SPPL2B: variants seen among roughly 807,000 people sequenced by gnomAD.
SPPL2B encodes the protein signal peptide peptidase-like 2B.
Under a neutral mutation model 59.7 loss-of-function variants are expected in SPPL2B, and 39 were observed. The ratio of observed to expected loss-of-function variants is 0.65; its 90% confidence interval spans 0.51 to 0.85. SPPL2B has a LOEUF of 0.85. Among genes scored for constraint, SPPL2B ranks in the 40% least tolerant of loss-of-function variants. The pLI, the probability that SPPL2B is intolerant of heterozygous loss-of-function variation, is 0.00. For synonymous variants in SPPL2B, 419 were observed against 370.8 expected (o/e 1.13, Z -1.49); for missense variants, 865 against 849.0 (o/e 1.02, Z -0.23).
At position 2,343,191 on chromosome 19, in the gene SPPL2B, G is replaced by A; in HGVS notation, c.957-20G>A. On this transcript the variant is annotated intron_variant, in intron 8 of 14. Coordinates refer to ENST00000613503, the MANE Select transcript of SPPL2B (RefSeq NM_152988.3). ...GTCAGCCAGCCTCTGCCCCGGCGAG[G>A]ATGCTGCTTTGTCTTGCAGGTGGGC... is the stretch of plus-strand genomic sequence containing the variant. 6.5e-7 allele frequency: 1 copy of A among 1,550,046 alleles called. No homozygotes were observed. Among genetic ancestry groups the A allele is most frequent in the Non-Finnish European group, 8.7e-7 (1 of 1,146,138 alleles).
chr19:2,343,924 C>T lies in SPPL2B; in HGVS notation c.1039-41C>T, dbSNP rs754585150. On this transcript the variant is annotated intron_variant, in intron 9 of 14. Coordinates refer to ENST00000613503, the MANE Select transcript of SPPL2B (RefSeq NM_152988.3). ...TCATGAGATGGGAGTGGGGGAGGCA[C>T]GGGCCGGGGTGGGGGCCGCCCTCAG... 7.5e-5 allele frequency: 111 copies of T among 1,483,930 alleles called. 1 individual carries two copies. The highest frequency in any genetic ancestry group is 8.6e-5 in the Non-Finnish European group (94 of 1,090,702). The allele number at this position is 1,483,930 out of a possible 1,614,324, so 91.9% of individuals were successfully genotyped here.
Position 2,337,435 on chromosome 19 carries a change from C to T in SPPL2B, c.187-8C>T. 6.3e-7 allele frequency: 1 copy of T among 1,592,274 alleles called. No individual in the cohort carries two copies. The highest frequency in any genetic ancestry group is 8.6e-7 in the Non-Finnish European group (1 of 1,166,718). On this transcript the variant is annotated splice_polypyrimidine_tract_variant and splice_region_variant and intron_variant, in intron 2 of 14. Transcript: ENST00000613503. Reference sequence around the variant, plus strand: ...ACGTGAGACAACACTGTGCCCTGGCCTTTCCAGTCTTTCCTGCAGCTGCGC... The same window carrying T: ...ACGTGAGACAACACTGTGCCCTGGCTTTTCCAGTCTTTCCTGCAGCTGCGC...
Position 2,341,733 on chromosome 19 carries a change from T to C in SPPL2B, c.956+719T>C, listed in dbSNP as rs191145626. ...ATGTGAAAATATTTTGAATCCTTTG[T>C]ACACAAAGAGAAAATGAATCTTTTC... is the stretch of plus-strand genomic sequence containing the variant. On this transcript the variant is annotated intron_variant, in intron 8 of 14. Transcript: ENST00000613503. 700 of 400,328 alleles carry C rather than the reference T, an allele frequency of 1.7e-3. 6 individuals are homozygous for C. Among genetic ancestry groups the C allele is most frequent in the African/African-American group, 0.013 (627 of 48,458 alleles). 24.8% of individuals were successfully genotyped at this position (400,328 alleles called of 1,614,324 possible).
At chr19:2,348,908 GCT>G (rs1196415972) in intron 13 of SPPL2B, among the ~76,000 whole-genome samples, 1 of 134,480 alleles carries the variant, frequency 7.4e-6, no homozygotes, top group Non-Finnish European at 1.5e-5. Context: ...ACACTCACGC[GCT>G]CTCATTCGCT....
intron 8 of SPPL2B, chr19:2,341,616 C>G (rs1426076408): frequency 4.4e-6 from 2 of 456,068 alleles, no homozygotes; most frequent in African/African-American, 2.0e-5. Context: ...CTGATACCAT[C>G]TGGCACTTCC....
Position 2,337,505 on chromosome 19 carries a change from C to A in SPPL2B, c.249C>A (p.Ala83=), listed in dbSNP as rs771738475. The change falls in exon 3 of 15, where the codon GCC becomes GCA. Residue 83 remains alanine (A), a synonymous_variant. Coordinates refer to ENST00000613503, the MANE Select transcript of SPPL2B (RefSeq NM_152988.3). ...SLLCSAADLP[A]RGFSNQIPLV... Reference sequence around the variant, plus strand: ...TCTGCTCCGCAGCCGACCTCCCCGCCCGTGGCTTCAGCAACCAGATCCCGC... The same window carrying A: ...TCTGCTCCGCAGCCGACCTCCCCGCACGTGGCTTCAGCAACCAGATCCCGC... 2 of 1,613,386 alleles carry A rather than the reference C, an allele frequency of 1.2e-6. No homozygotes were observed. The highest frequency in any genetic ancestry group is 1.7e-6 in the Non-Finnish European group (2 of 1,179,706).
Position 2,328,694 on chromosome 19 carries a change from G to C in SPPL2B, c.-16G>C, listed in dbSNP as rs767059440. The C allele has an allele frequency of 1.4e-6, 2 of 1,433,928 alleles. No homozygotes were observed. The highest frequency in any genetic ancestry group is 3.0e-5 in the African/African-American group (2 of 66,508). The allele number at this position is 1,433,928 out of a possible 1,614,324, so 88.8% of individuals were successfully genotyped here. A position where few individuals can be genotyped will look rare whatever the true frequency, so the allele number is the denominator to read the frequency against. ...TGGGAAACATCTGCCGTTGGTTGCG[G>C]CGGGCACCGGCCGACATGGCGGCAG... On this transcript the variant is annotated 5_prime_UTR_variant, in exon 1 of 15. Transcript: ENST00000613503.
chr19:2,344,006 C>T lies in SPPL2B; in HGVS notation c.1080C>T (p.Ile360=). ...TGCTGGTGCTGTTCCTCTACGACAT[C>T]TTCTTCGTGTTCATCACGCCCTTCC... ...LLLLVLFLYD[I]FFVFITPFLT... The change falls in exon 10 of 15, where the codon ATC becomes ATT. Residue 360 remains isoleucine (I), a synonymous_variant. Transcript: ENST00000613503. 2 of 1,548,448 alleles carry T rather than the reference C, an allele frequency of 1.3e-6. No individual in the cohort carries two copies. Among genetic ancestry groups the T allele is most frequent in the South Asian group, 1.2e-5 (1 of 83,978 alleles).
intron 7 of SPPL2B, among the ~76,000 whole-genome samples, 174 bp downstream of exon 7, chr19:2,340,346 T>C (rs906514147): frequency 5.9e-5 from 9 of 151,992 alleles, no homozygotes; most frequent in Middle Eastern, 3.2e-3. Flanking sequence ...CTGGGCGAGC[T>C]ATCAATGGAG....
intron 1 of SPPL2B, among the ~76,000 whole-genome samples, chr19:2,331,058 A>G (rs73520551): frequency 0.069 from 10,553 of 152,146 alleles, 1,220 homozygotes; most frequent in African/African-American, 0.24. Flanking sequence ...CTTGCTTGCT[A>G]CCATTCTGTG....
chr19:2,340,921 A>G lies in SPPL2B; in HGVS notation c.863A>G (p.Tyr288Cys). 1.3e-6 allele frequency: 2 copies of G among 1,598,942 alleles called. No individual in the cohort carries two copies. Among genetic ancestry groups the G allele is most frequent in the African/African-American group, 1.3e-5 (1 of 74,940 alleles). The change falls in exon 8 of 15, where the codon TAC becomes TGC. Residue 288 changes from tyrosine (Y) to cysteine (C), a missense_variant. Tyr to Cys is a radical substitution (Grantham distance 194, BLOSUM62 -2). Transcript: ENST00000613503. ...KCRIPNNSLP[Y>C]FHKRPQARML... ...AGGATCCCCAACAACAGCCTGCCCT[A>G]CTTCCACAAGCGCCCGCAGGCCCGT... is the stretch of plus-strand genomic sequence containing the variant.
In SPPL2B at chr19:2,345,135, A is replaced by G. The variant is rs541203718; in HGVS notation, c.1277-118A>G. The G allele has an allele frequency of 4.8e-4, 348 of 722,298 alleles. 7 individuals carry two copies. In the South Asian group the frequency reaches 5.5e-3, roughly 11 times the overall value. The allele number at this position is 722,298 out of a possible 1,614,324, so 44.7% of individuals were successfully genotyped here. A position where few individuals can be genotyped will look rare whatever the true frequency, so the allele number is the denominator to read the frequency against. The stretch of plus-strand genomic sequence containing the variant: ...GCCTGTCTGTGAAATGACAGCAGCC[A>G]CCAGGCAGCGAGAGGCCCACGGCGC... On this transcript the variant is annotated intron_variant, in intron 12 of 14. Coordinates refer to ENST00000613503, the MANE Select transcript of SPPL2B (RefSeq NM_152988.3).
At chr19:2,345,178 C>A in intron 12 of SPPL2B, 75 bp from the exon 13 acceptor site, 1 of 1,322,508 alleles carries the variant, frequency 7.6e-7, no homozygotes, top group Non-Finnish European at 1.1e-6. Flanking sequence ...TGCTCAGGTG[C>A]CCGCCCGCTC....
At position 2,328,714 on chromosome 19, in the gene SPPL2B, C is replaced by T. The variant is rs1278387006; in HGVS notation, c.5C>T (p.Ala2Val). 4 of 1,445,214 alleles carry T rather than the reference C, an allele frequency of 2.8e-6. No homozygotes were observed. The highest frequency in any genetic ancestry group is 5.6e-5 in the Admixed American group (2 of 35,866). The allele number at this position is 1,445,214 out of a possible 1,614,324, so 89.5% of individuals were successfully genotyped here. Residue 2 changes from alanine (A) to valine (V), a missense_variant, in exon 1 of 15, where the codon GCG becomes GTG. Ala to Val is a moderately conservative substitution (Grantham distance 64). Coordinates refer to ENST00000613503, the MANE Select transcript of SPPL2B (RefSeq NM_152988.3). ...TTGCGGCGGGCACCGGCCGACATGG[C>T]GGCAGCGGTGGCGGCTGCGCTGGCG... M[A>V]AAVAAALARL...
chr19:2,338,471 G>A (rs1208945003), intron 3 of SPPL2B: 4 of 374,702 alleles, frequency 1.1e-5, no homozygotes, highest in Admixed American at 4.2e-5. Context: ...GGACTTGTAT[G>A]TGCGGTTCGG....
chr19:2,334,546 C>T (rs1309389834), intron 1 of SPPL2B, 56 bp from the exon 2 acceptor site: 22 of 1,555,456 alleles, frequency 1.4e-5, no homozygotes, highest in Admixed American at 1.2e-4. Context: ...TCTCGTGGGG[C>T]GGTGCAGCCC....
At position 2,337,624 on chromosome 19, in the gene SPPL2B, T is replaced by C; in HGVS notation, c.368T>C (p.Leu123Pro). The C allele has an allele frequency of 6.4e-7, 1 of 1,573,846 alleles. No individual in the cohort carries two copies. Among genetic ancestry groups the C allele is most frequent in the South Asian group, 1.1e-5 (1 of 87,472 alleles). ...CTGCTCATCGTCAGCAGGGAGAGGC[T>C]GGTACGGCCCTGTGCGTCCCCCGCT... Reference protein sequence around the residue: ...RGLLIVSRERLVPPGGNKTQY... With the variant: ...RGLLIVSRERPVPPGGNKTQY... The change falls in exon 3 of 15, where the codon CTG becomes CCG. Residue 123 changes from leucine to proline, a missense_variant and splice_region_variant. Leu to Pro is a moderately conservative substitution (Grantham distance 98, BLOSUM62 -3). Coordinates refer to ENST00000613503, the MANE Select transcript of SPPL2B (RefSeq NM_152988.3).
At position 2,339,978 on chromosome 19, in the gene SPPL2B, C is replaced by G. The variant is rs369330627; in HGVS notation, c.742+12C>G. The G allele has an allele frequency of 1.9e-6, 3 of 1,552,474 alleles. No homozygotes were observed. Among genetic ancestry groups the G allele is most frequent in the Non-Finnish European group, 2.6e-6 (3 of 1,147,270 alleles). ...CTACGATCTCCTCGGTGCGCGGCCCCGGGCGGGTGGGCCGCGGCGTGGAGA... is the reference window on the plus strand; with the variant it reads ...CTACGATCTCCTCGGTGCGCGGCCCGGGGCGGGTGGGCCGCGGCGTGGAGA... On this transcript the variant is annotated intron_variant, in intron 6 of 14. Coordinates refer to ENST00000613503, the MANE Select transcript of SPPL2B (RefSeq NM_152988.3).
chr19:2,353,321 C>A lies in SPPL2B; in HGVS notation c.*112C>A. On this transcript the variant is annotated 3_prime_UTR_variant, in exon 15 of 15. Transcript: ENST00000613503. ...CTGTCCCCCGGGACCGAGGCCTGTG[C>A]CGTCCCCACCCGCCCCAACATGGTG... The A allele has an allele frequency of 7.9e-7, 1 of 1,267,116 alleles. No individual in the cohort carries two copies. Among genetic ancestry groups the A allele is most frequent in the Non-Finnish European group, 1.1e-6 (1 of 944,106 alleles). 78.5% of individuals were successfully genotyped at this position (1,267,116 alleles called of 1,614,324 possible). A position where few individuals can be genotyped will look rare whatever the true frequency, so the allele number is the denominator to read the frequency against.
Sources: allele counts gnomAD v4.1 joint callset (sites outside exome capture counted in the v4.1 genomes callset), GRCh38; gene constraint gnomAD v4.1.1; transcripts MANE v1.5; gene names NCBI Gene and HGNC (gene_info 2026-07-23, HGNC 2026-07-21).